GULP1: variants seen among roughly 807,000 people sequenced by gnomAD.
GULP1 encodes the protein GULP PTB domain containing engulfment adaptor 1, also known as PTB domain-containing engulfment adapter protein 1.
In GULP1, 19 loss-of-function variants were observed where a neutral mutation model predicts 40.9. The observed-to-expected ratio is 0.46, with a 90% CI of 0.32 to 0.68. The LOEUF (loss-of-function observed/expected upper bound fraction) is 0.68. GULP1 is among the 30% of genes least tolerant of loss of function. The pLI is 0.03. For missense variants in GULP1, 312 were observed against 362.2 expected (o/e 0.86, Z 1.12); for synonymous variants, 119 against 117.6 (o/e 1.01, Z -0.08).
At chr2:188,528,709 C>T (rs758036001) in intron 5 of GULP1, among the ~76,000 whole-genome samples, 8 of 152,078 alleles carry the variant, frequency 5.3e-5, no homozygotes, top group Non-Finnish European at 8.8e-5. Flanking sequence ...GCAAAGAGGG[C>T]ATATTCAACA....
At chr2:188,307,267 A>G (rs1013167323) in intron 1 of GULP1, among the ~76,000 whole-genome samples, 1 of 152,208 alleles carries the variant, frequency 6.6e-6, no homozygotes, top group Non-Finnish European at 1.5e-5. Flanking sequence ...TACAGGTAGA[A>G]CAACTTCAAC....
chr2:188,385,190 G>A (rs764155614), intron 2 of GULP1, among the ~76,000 whole-genome samples: 1 of 152,124 alleles, frequency 6.6e-6, no homozygotes, highest in South Asian at 2.1e-4. Flanking sequence ...GGACATCCAG[G>A]CATTTCCATA....
At chr2:188,322,113 A>G (rs1030757893) in intron 1 of GULP1, among the ~76,000 whole-genome samples, 4 of 152,176 alleles carry the variant, frequency 2.6e-5, no homozygotes, top group Non-Finnish European at 5.9e-5. Flanking sequence ...AGTTGATGGG[A>G]AAAAATTTGT....
intron 11 of GULP1, chr2:188,590,827 A>G (rs918781900): frequency 1.8e-4 from 28 of 152,172 alleles, no homozygotes; most frequent in African/African-American, 6.5e-4. Flanking sequence ...TGAAAGAATC[A>G]TGTATGAGTG....
At chr2:188,308,308 CAAGCTGCATTCTGTTTTGT>C (rs1414096969) in intron 1 of GULP1, among the ~76,000 whole-genome samples, 1 of 152,090 alleles carries the variant, frequency 6.6e-6, no homozygotes, top group African/African-American at 2.4e-5. Context: ...GGGCTAATGG[CAAGCTGCATTCTGTTTTGT>C]AAATGTACAT....
intron 2 of GULP1, among the ~76,000 whole-genome samples, chr2:188,447,350 G>A (rs2058478289): frequency 6.6e-6 from 1 of 152,166 alleles, no homozygotes; most frequent in South Asian, 2.1e-4. Context: ...CCCCCATGAT[G>A]GCATGAACCA....
At chr2:188,321,566 G>A (rs2039982614) in intron 1 of GULP1, among the ~76,000 whole-genome samples, 1 of 151,878 alleles carries the variant, frequency 6.6e-6, no homozygotes, top group Non-Finnish European at 1.5e-5. Context: ...AGATTTTATT[G>A]TATTACTGGC....
chr2:188,419,580 T>C (rs1414791797), intron 2 of GULP1, among the ~76,000 whole-genome samples: 53 of 152,012 alleles, frequency 3.5e-4, no homozygotes, highest in Admixed American at 3.4e-3. Flanking sequence ...TATTGAGTTA[T>C]AGGAGTTCTT....
At chr2:188,467,683 C>G (rs576303978) in intron 2 of GULP1, among the ~76,000 whole-genome samples, 1 of 151,918 alleles carries the variant, frequency 6.6e-6, no homozygotes, top group Non-Finnish European at 1.5e-5. Context: ...GTTCACTTAT[C>G]GATAACTCAT....
intron 2 of GULP1, among the ~76,000 whole-genome samples, chr2:188,388,361 T>C (rs2050060551): frequency 1.2e-5 from 1 of 82,564 alleles, no homozygotes; most frequent in Non-Finnish European, 2.2e-5. Context: ...AGAGCCCATC[T>C]CTACCAAAAA....
At chr2:188,459,749 G>A (rs1174546202) in intron 2 of GULP1, among the ~76,000 whole-genome samples, 2 of 152,048 alleles carry the variant, frequency 1.3e-5, no homozygotes, top group Admixed American at 6.6e-5. Flanking sequence ...TTTCCCTAAT[G>A]TTTTCTTATA....
In GULP1 at chr2:188,385,446, G is replaced by A. The variant is rs528508625; in HGVS notation, c.-45+1557G>A. Among the ~76,000 whole-genome samples, 8 of 152,168 alleles carry A rather than the reference G, an allele frequency of 5.3e-5. No homozygotes were observed. In the East Asian group the frequency reaches 1.4e-3, roughly 26 times the overall value. On this transcript the variant is annotated intron_variant, in intron 2 of 11. Transcript: ENST00000409830. ...AATCATTTTTTCCTCCTAAACCTCC[G>A]GGGTTGCCATGAAGACCTCTGGCAT...
chr2:188,371,583 T>TAAAATGTC (rs1435856431), intron 1 of GULP1, among the ~76,000 whole-genome samples: 1 of 152,052 alleles, frequency 6.6e-6, no homozygotes, highest in African/African-American at 2.4e-5. Context: ...GTTTTGAAAA[T>TAAAATGTC]AAAATGTCAT....
In GULP1 at chr2:188,311,068, G is replaced by C. The variant is rs1253913154; in HGVS notation, c.-172+18902G>C. On this transcript the variant is annotated intron_variant, in intron 1 of 11. Coordinates refer to ENST00000409830, the MANE Select transcript of GULP1 (RefSeq NM_016315.4). ...ACAGTTCCTTACCTGAAATTGAATA[G>C]AGATTTCAGAAGCCTGGCAAAATGA... Among the ~76,000 whole-genome samples the C allele has an allele frequency of 2.6e-5, 4 of 152,190 alleles. No individual in the cohort carries two copies. In the East Asian group the frequency reaches 7.7e-4, roughly 29 times the overall value.
At chr2:188,494,456 T>C (rs1214097898) in intron 4 of GULP1, among the ~76,000 whole-genome samples, 2 of 151,994 alleles carry the variant, frequency 1.3e-5, no homozygotes, top group Non-Finnish European at 2.9e-5. Flanking sequence ...AAAGGATGCC[T>C]CCTTTGTCAA....
intron 1 of GULP1, among the ~76,000 whole-genome samples, chr2:188,341,629 T>C (rs1397861309): frequency 6.6e-6 from 1 of 152,210 alleles, no homozygotes; most frequent in Non-Finnish European, 1.5e-5. Flanking sequence ...GGATCGATTT[T>C]CAGACAATAC....
chr2:188,567,998 A>G (rs1285436163), intron 7 of GULP1, among the ~76,000 whole-genome samples: 3 of 152,134 alleles, frequency 2.0e-5, no homozygotes, highest in Admixed American at 6.5e-5. Flanking sequence ...AGTTTTTATT[A>G]TAGCTCGTTG....
chr2:188,415,917 A>C (rs1176478488), intron 2 of GULP1, among the ~76,000 whole-genome samples: 1 of 152,170 alleles, frequency 6.6e-6, no homozygotes, highest in Non-Finnish European at 1.5e-5. Context: ...AAGATGCCCC[A>C]GTGCTCTGTT....
intron 9 of GULP1, among the ~76,000 whole-genome samples, chr2:188,580,134 A>G (rs534654032): frequency 6.6e-6 from 1 of 152,340 alleles, no homozygotes; most frequent in African/African-American, 2.4e-5. Context: ...AGAGCTTACA[A>G]TTGTAATCTG....
Sources: allele counts gnomAD v4.1 joint callset (sites outside exome capture counted in the v4.1 genomes callset), GRCh38; gene constraint gnomAD v4.1.1; transcripts MANE v1.5; gene names NCBI Gene and HGNC (gene_info 2026-07-23, HGNC 2026-07-21).